The following RBPMS variants were observed in gnomAD, a reference collection of about 807,000 sequenced individuals.
The protein encoded by RBPMS is RNA-binding protein with multiple splicing.
RBPMS carries 7 observed loss-of-function variants against 26.8 expected under a neutral mutation model. The ratio of observed to expected loss-of-function variants is 0.26; its 90% confidence interval spans 0.15 to 0.49. The LOEUF (loss-of-function observed/expected upper bound fraction) is 0.49. RBPMS is among the 20% of genes least tolerant of loss of function. The probability of loss-of-function intolerance (pLI) is 0.98; values close to 1 mark genes in which losing one functional copy is unlikely to be tolerated. For missense variants in RBPMS, 186 were observed against 250.0 expected (o/e 0.74, Z 1.73); for synonymous variants, 96 against 93.3 (o/e 1.03, Z -0.17).
chr8:30,481,975 A>G (rs1462241854), intron 4 of RBPMS, among the ~76,000 whole-genome samples: 1 of 152,190 alleles, frequency 6.6e-6, no homozygotes, highest in Non-Finnish European at 1.5e-5. Flanking sequence ...TCCATTTTAT[A>G]CAACATCCTT....
chr8:30,456,768 A>G (rs1049416755), intron 1 of RBPMS, among the ~76,000 whole-genome samples: 5 of 152,196 alleles, frequency 3.3e-5, no homozygotes, highest in African/African-American at 1.2e-4. Context: ...AAAATGTACA[A>G]AAATTAGCTG....
chr8:30,443,314 C>G (rs1813342661), intron 1 of RBPMS, among the ~76,000 whole-genome samples: 1 of 151,848 alleles, frequency 6.6e-6, no homozygotes, highest in African/African-American at 2.4e-5. Flanking sequence ...GTAATTATGG[C>G]TAAAAAAAAA....
chr8:30,556,309 C>G, intron 6 of RBPMS: 1 of 985,716 alleles, frequency 1.0e-6, no homozygotes, highest in South Asian at 4.7e-5. Context: ...CTGGAGTGCG[C>G]CTCGACCAGG....
chr8:30,518,600 G>T (rs1195639728), intron 5 of RBPMS, among the ~76,000 whole-genome samples: 1 of 141,362 alleles, frequency 7.1e-6, no homozygotes, highest in Non-Finnish European at 1.5e-5. Context: ...TATTTTTTTT[G>T]TATTTTTAGT....
intron 5 of RBPMS, among the ~76,000 whole-genome samples, chr8:30,525,636 GTTAC>G (rs555025753): frequency 1.1e-3 from 172 of 152,352 alleles, no homozygotes; most frequent in African/African-American, 3.7e-3. Flanking sequence ...AAGGAATTGT[GTTAC>G]TTACTCCTTT....
intron 1 of RBPMS, among the ~76,000 whole-genome samples, chr8:30,413,914 G>T (rs1809755538): frequency 6.6e-6 from 1 of 152,142 alleles, no homozygotes; most frequent in Non-Finnish European, 1.5e-5. Context: ...AGCTAATTTT[G>T]TATTTTTAGT....
At chr8:30,437,364 G>A (rs1254918007) in intron 1 of RBPMS, among the ~76,000 whole-genome samples, 1 of 151,872 alleles carries the variant, frequency 6.6e-6, no homozygotes, top group African/African-American at 2.4e-5. Context: ...TTTTAAAAAC[G>A]ATGTTATTGG....
chr8:30,388,430 CTT>C (rs1807365680), intron 1 of RBPMS, among the ~76,000 whole-genome samples: 2 of 145,652 alleles, frequency 1.4e-5, no homozygotes, highest in Non-Finnish European at 1.5e-5. Flanking sequence ...TATAAGCTAA[CTT>C]ATAACTTATA....
At chr8:30,518,667 A>T (rs1478795254) in intron 5 of RBPMS, among the ~76,000 whole-genome samples, 2 of 111,016 alleles carry the variant, frequency 1.8e-5, no homozygotes, top group Admixed American at 2.3e-4. Context: ...ACCTCCAGTG[A>T]TCCGCCCGGC....
chr8:30,424,897 A>G (rs1031565015), intron 1 of RBPMS, among the ~76,000 whole-genome samples: 6 of 151,814 alleles, frequency 4.0e-5, no homozygotes, highest in Admixed American at 1.3e-4. Context: ...ACACGCGCGC[A>G]CACACACACA....
At position 30,388,013 on chromosome 8, in the gene RBPMS, A is replaced by G. The variant is rs76020007; in HGVS notation, c.66+2855A>G. On this transcript the variant is annotated intron_variant, in intron 1 of 8. Transcript: ENST00000397323. ...AGCATTGAAAACTTTGAGGAAAAAT[A>G]ATTTAGGATTTGGCTAGCCAGTTGT... 1.5e-3 allele frequency among the ~76,000 whole-genome samples: 224 copies of G among 152,284 alleles called. 6 individuals carry two copies. In the East Asian group the frequency reaches 0.039, roughly 27 times the overall value.
Position 30,395,548 on chromosome 8 carries a change from T to C in RBPMS, c.66+10390T>C, listed in dbSNP as rs1029315300. 3.3e-5 allele frequency among the ~76,000 whole-genome samples: 3 copies of C among 91,078 alleles called. 1 individual carries two copies. The highest frequency in any genetic ancestry group is 5.8e-5 in the Non-Finnish European group (3 of 51,444). The allele number at this position is 91,078 out of a possible 152,430, so 59.8% of individuals were successfully genotyped here. On this transcript the variant is annotated intron_variant, in intron 1 of 8. Coordinates refer to ENST00000397323, the MANE Select transcript of RBPMS (RefSeq NM_001008710.3). The stretch of plus-strand genomic sequence containing the variant: ...AAAAACACTTAATGGTTTTTGCATA[T>C]TAATGGATTGATTAAACATTTATGG...
At chr8:30,448,182 A>G (rs1814103265) in intron 1 of RBPMS, among the ~76,000 whole-genome samples, 1 of 152,252 alleles carries the variant, frequency 6.6e-6, no homozygotes, top group East Asian at 1.9e-4. Context: ...ATGTTTGCCT[A>G]ATTCTTTTAG....
intron 1 of RBPMS, among the ~76,000 whole-genome samples, chr8:30,444,417 T>C (rs73583206): frequency 0.025 from 3,870 of 152,322 alleles, 143 homozygotes; most frequent in African/African-American, 0.086. Flanking sequence ...GACTCAGCAC[T>C]ATAGGCTTTC....
chr8:30,458,738 G>A (rs370475715), intron 1 of RBPMS, among the ~76,000 whole-genome samples: 2 of 152,040 alleles, frequency 1.3e-5, no homozygotes, highest in African/African-American at 4.8e-5. Context: ...TTTTGAGACG[G>A]GATCTCACTG....
At chr8:30,466,283 T>G (rs1173053307) in intron 1 of RBPMS, among the ~76,000 whole-genome samples, 1 of 152,176 alleles carries the variant, frequency 6.6e-6, no homozygotes, top group Non-Finnish European at 1.5e-5. Context: ...TGTGATAGCT[T>G]ACACCTGTAA....
At chr8:30,550,382 CTT>C (rs968804466) in intron 6 of RBPMS, among the ~76,000 whole-genome samples, 1 of 152,206 alleles carries the variant, frequency 6.6e-6, no homozygotes, top group African/African-American at 2.4e-5. Context: ...CACATAAACA[CTT>C]AAGAGAATGC....
chr8:30,471,632 C>T (rs1371069232), intron 1 of RBPMS, among the ~76,000 whole-genome samples: 2 of 152,188 alleles, frequency 1.3e-5, no homozygotes, highest in African/African-American at 2.4e-5. Context: ...ATGGTATTCT[C>T]GCTCTGCCCA....
intron 5 of RBPMS, among the ~76,000 whole-genome samples, chr8:30,543,425 C>CAACA (rs1407360076): frequency 6.6e-6 from 1 of 152,204 alleles, no homozygotes; most frequent in Non-Finnish European, 1.5e-5. Context: ...TAAAGTGACT[C>CAACA]TGTTGACCTT....
Sources: allele counts gnomAD v4.1 joint callset (sites outside exome capture counted in the v4.1 genomes callset), GRCh38; gene constraint gnomAD v4.1.1; transcripts MANE v1.5; gene names NCBI Gene and HGNC (gene_info 2026-07-23, HGNC 2026-07-21).